The following CNTN5 variants were observed in gnomAD, a reference collection of about 807,000 sequenced individuals.
CNTN5 encodes contactin 5.
CNTN5 carries 77 observed loss-of-function variants against 129.1 expected under a neutral mutation model. The ratio of observed to expected loss-of-function variants is 0.60; its 90% confidence interval spans 0.50 to 0.72. The LOEUF is 0.72. CNTN5 is among the 30% of genes least tolerant of loss of function. CNTN5 has a pLI of 0.00. For synonymous variants in CNTN5, 509 were observed against 465.6 expected (o/e 1.09, Z -1.20); for missense variants, 1,478 against 1,328.8 (o/e 1.11, Z -1.75).
At chr11:100,059,349 A>T (rs1356349055) in intron 9 of CNTN5, among the ~76,000 whole-genome samples, 1 of 152,146 alleles carries the variant, frequency 6.6e-6, no homozygotes, top group Non-Finnish European at 1.5e-5. Flanking sequence ...CACACAAAAA[A>T]TCGGAAGTCA....
At chr11:99,088,686 C>T (rs1006538158) in intron 1 of CNTN5, among the ~76,000 whole-genome samples, 2 of 152,000 alleles carry the variant, frequency 1.3e-5, no homozygotes, top group African/African-American at 2.4e-5. Context: ...TATAGCAACT[C>T]GGAGCAATCT....
intron 2 of CNTN5, among the ~76,000 whole-genome samples, chr11:99,447,998 G>GA (rs1228302563): frequency 2.0e-5 from 3 of 152,046 alleles, no homozygotes; most frequent in African/African-American, 7.2e-5. Flanking sequence ...TTATTGTAGA[G>GA]AAAATCTCTA....
chr11:100,326,805 G>T (rs959835289), intron 21 of CNTN5, among the ~76,000 whole-genome samples: 2 of 152,184 alleles, frequency 1.3e-5, no homozygotes, highest in African/African-American at 4.8e-5. Flanking sequence ...GGCCAAGGAG[G>T]CTTCTTGGTT....
chr11:99,276,408 C>T (rs1339247584), intron 1 of CNTN5, among the ~76,000 whole-genome samples: 1 of 151,388 alleles, frequency 6.6e-6, no homozygotes, highest in East Asian at 1.9e-4. Flanking sequence ...AAAACTACAC[C>T]TCACTAATTT....
At chr11:99,967,499 A>G (rs1951126713) in intron 8 of CNTN5, among the ~76,000 whole-genome samples, 1 of 151,938 alleles carries the variant, frequency 6.6e-6, no homozygotes. Flanking sequence ...GTAACCGCGC[A>G]CTCTGGGATT....
At chr11:99,075,893 G>A (rs1288793220) in intron 1 of CNTN5, among the ~76,000 whole-genome samples, 1 of 152,124 alleles carries the variant, frequency 6.6e-6, no homozygotes, top group Non-Finnish European at 1.5e-5. Flanking sequence ...AATTATGACA[G>A]ACGTTTGAAC....
At chr11:99,519,317 TGCAATAC>T in intron 2 of CNTN5, among the ~76,000 whole-genome samples, 3 of 152,108 alleles carry the variant, frequency 2.0e-5, no homozygotes, top group Non-Finnish European at 4.4e-5. Flanking sequence ...GTCTTTCTTA[TGCAATAC>T]TCTTCTTCTT....
chr11:99,248,703 ACCAT>A (rs370420152), intron 1 of CNTN5, among the ~76,000 whole-genome samples: 4,090 of 152,244 alleles, frequency 0.027, 59 homozygotes, highest in Middle Eastern at 0.048. Context: ...TTTTCCCAGC[ACCAT>A]GTATTAAATA....
At chr11:99,987,965 T>C (rs1938799971) in intron 8 of CNTN5, among the ~76,000 whole-genome samples, 1 of 152,212 alleles carries the variant, frequency 6.6e-6, no homozygotes, top group Non-Finnish European at 1.5e-5. Flanking sequence ...GTAGCAGATG[T>C]TCAGTTAATG....
intron 1 of CNTN5, among the ~76,000 whole-genome samples, chr11:99,218,341 A>T (rs557138686): frequency 2.6e-5 from 4 of 152,004 alleles, no homozygotes; most frequent in Admixed American, 6.6e-5. Context: ...AGGACCTCTT[A>T]TTTTCTACAT....
At chr11:99,661,423 CAG>C (rs1225287164) in intron 3 of CNTN5, among the ~76,000 whole-genome samples, 2 of 152,088 alleles carry the variant, frequency 1.3e-5, no homozygotes, top group African/African-American at 2.4e-5. Context: ...TGCCTGTGTA[CAG>C]AGTTATTACA....
intron 6 of CNTN5, among the ~76,000 whole-genome samples, chr11:99,891,783 A>G (rs572602331): frequency 3.9e-5 from 6 of 152,276 alleles, no homozygotes; most frequent in East Asian, 1.9e-4. Flanking sequence ...TAGTGCTGCA[A>G]TAAACATACA....
At chr11:99,623,341 A>G (rs1397518448) in intron 3 of CNTN5, among the ~76,000 whole-genome samples, 6 of 152,126 alleles carry the variant, frequency 3.9e-5, no homozygotes, top group African/African-American at 2.4e-5. Flanking sequence ...CTCAAATTAT[A>G]TGGTCAAGAT....
intron 1 of CNTN5, among the ~76,000 whole-genome samples, chr11:99,044,129 T>C (rs1419723029): frequency 6.6e-6 from 1 of 152,176 alleles, no homozygotes; most frequent in Non-Finnish European, 1.5e-5. Context: ...TATTATGAGA[T>C]ATTGCACATA....
intron 1 of CNTN5, among the ~76,000 whole-genome samples, chr11:99,186,562 A>T (rs1446359681): frequency 6.6e-6 from 1 of 151,996 alleles, no homozygotes; most frequent in African/African-American, 2.4e-5. Context: ...AGTTTTTGCC[A>T]ATCTCATATA....
At chr11:99,580,201 GC>G (rs1338008744) in intron 3 of CNTN5, among the ~76,000 whole-genome samples, 5 of 152,154 alleles carry the variant, frequency 3.3e-5, no homozygotes, top group African/African-American at 1.2e-4. Flanking sequence ...TGGTGGATAA[GC>G]TTTTTGATGT....
At chr11:99,639,054 A>G (rs1951669791) in intron 3 of CNTN5, among the ~76,000 whole-genome samples, 1 of 152,202 alleles carries the variant, frequency 6.6e-6, no homozygotes, top group African/African-American at 2.4e-5. Flanking sequence ...TGCATCCAAG[A>G]GTTTCCATAT....
At chr11:99,591,048 T>C (rs910493048) in intron 3 of CNTN5, among the ~76,000 whole-genome samples, 1 of 152,162 alleles carries the variant, frequency 6.6e-6, no homozygotes, top group East Asian at 1.9e-4. Flanking sequence ...TTCAGCCCAC[T>C]GTGTGTGAGG....
chr11:100,243,485 A>G lies in CNTN5; in HGVS notation c.2006-12275A>G, dbSNP rs180902335. 8.3e-4 allele frequency among the ~76,000 whole-genome samples: 127 copies of G among 152,254 alleles called. 2 individuals carry two copies. The highest frequency in any genetic ancestry group is 2.8e-3 in the African/African-American group (117 of 41,544). ...CCTCTGACAACAGCTTCTTTAATCT[A>G]CTTCATCAGGTGCTGCTTCTCATTT... On this transcript the variant is annotated intron_variant, in intron 16 of 24. Coordinates refer to ENST00000524871, the MANE Select transcript of CNTN5 (RefSeq NM_014361.4).
Sources: gnomAD v4.1 joint callset for allele counts (sites outside exome capture counted in the v4.1 genomes callset) on GRCh38, gnomAD v4.1.1 for gene constraint, MANE v1.5 for transcripts, NCBI Gene and HGNC (gene_info 2026-07-23, HGNC 2026-07-21) for gene names.